CDHR2: variants seen among roughly 807,000 people sequenced by gnomAD.
The protein encoded by CDHR2 is cadherin related family member 2, also known as cadherin-related family member 2.
CDHR2 carries 104 observed loss-of-function variants against 138.6 expected under a neutral mutation model. That is an observed-to-expected ratio of 0.75 (90% CI 0.64 to 0.88). CDHR2 has a LOEUF of 0.88. Among genes scored for constraint, CDHR2 ranks in the 40% least tolerant of loss-of-function variants. The pLI, the probability that CDHR2 is intolerant of heterozygous loss-of-function variation, is 0.00. For missense variants in CDHR2, 1,624 were observed against 1,727.6 expected (o/e 0.94, Z 1.06); for synonymous variants, 755 against 742.8 (o/e 1.02, Z -0.27).
chr5:176,591,879 T>TGAC (rs752912432), intron 30 of CDHR2, among the ~76,000 whole-genome samples: 32 of 149,014 alleles, frequency 2.1e-4, no homozygotes, highest in African/African-American at 8.3e-4. Context: ...GTTGTGATGG[T>TGAC]GATGGTGGTG....
At chr5:176,550,788 C>A (rs1197545724) in intron 1 of CDHR2, among the ~76,000 whole-genome samples, 5 of 152,156 alleles carry the variant, frequency 3.3e-5, no homozygotes, top group African/African-American at 1.2e-4. Flanking sequence ...CCTGGAGGTC[C>A]TGGGCAGTCC....
intron 21 of CDHR2, 28 bp from the exon 22 acceptor site, chr5:176,589,003 C>G: frequency 6.2e-7 from 1 of 1,611,488 alleles, no homozygotes; most frequent in Non-Finnish European, 8.5e-7. Flanking sequence ...TGGCTGGGCC[C>G]CCAGATATTG....
intron 1 of CDHR2, among the ~76,000 whole-genome samples, chr5:176,555,548 C>T (rs781717130): frequency 6.6e-6 from 1 of 152,194 alleles, no homozygotes; most frequent in African/African-American, 2.4e-5. Flanking sequence ...TTCAGCCCGG[C>T]GACACACAGC....
rs1305791735 is a variant in CDHR2 at position 176,577,458 on chromosome 5, CT to C, written c.1255del (p.Ser419ProfsTer15). On this transcript the variant is annotated frameshift_variant, in exon 13 of 32. Coordinates refer to ENST00000261944, the MANE Select transcript of CDHR2 (RefSeq NM_017675.6). LOFTEE classifies it high-confidence loss of function. ...GGPDAEAFSVSPERAVGSASV... is the reference protein window; with the variant it reads ...GGPDAEAFSVXPERAVGSASV... ...GCCCCGATGCAGAAGCCTTCAGCGTCTCCCCGGAGCGGGCAGTGGGCTCAGC... is the reference window on the plus strand; with the variant it reads ...GCCCCGATGCAGAAGCCTTCAGCGTCCCCCGGAGCGGGCAGTGGGCTCAGC... 6.2e-7 allele frequency: 1 copy of C among 1,610,236 alleles called. No homozygotes were observed. The highest frequency in any genetic ancestry group is 1.7e-5 in the Admixed American group (1 of 59,286).
chr5:176,552,804 G>A (rs1234429439), intron 1 of CDHR2, among the ~76,000 whole-genome samples: 1 of 152,222 alleles, frequency 6.6e-6, no homozygotes, highest in African/African-American at 2.4e-5. Flanking sequence ...AGGCAGACAG[G>A]GTGGCACCCC....
intron 16 of CDHR2, among the ~76,000 whole-genome samples, chr5:176,580,551 A>C (rs1361583017): frequency 2.6e-5 from 4 of 151,544 alleles, no homozygotes; most frequent in African/African-American, 9.7e-5. Flanking sequence ...AAAGAAAGAA[A>C]GAAAGAAAAA....
intron 1 of CDHR2, chr5:176,556,679 C>G (rs1300756689): frequency 1.3e-5 from 2 of 152,456 alleles, no homozygotes; most frequent in African/African-American, 2.4e-5. Flanking sequence ...AACAAACAAA[C>G]AAACAAACAA....
intron 1 of CDHR2, among the ~76,000 whole-genome samples, chr5:176,552,737 C>T (rs940912432): frequency 1.3e-5 from 2 of 152,222 alleles, no homozygotes; most frequent in Non-Finnish European, 1.5e-5. Context: ...GGGCCAACCC[C>T]AGCAGAGCAG....
Position 176,584,996 on chromosome 5 carries a change from C to A in CDHR2, c.2715C>A (p.Phe905Leu), listed in dbSNP as rs1336386021. 1.3e-5 allele frequency: 20 copies of A among 1,546,672 alleles called. No homozygotes were observed. Among genetic ancestry groups the A allele is most frequent in the Non-Finnish European group, 1.6e-5 (18 of 1,142,368 alleles). ...RACDLATDPG[F>L]QAYSNNGSLL... ...GTGACCTAGCCACGGACCCCGGCTT[C>A]CAGGCCTACAGCAACAATGGTAAGG... The change falls in exon 19 of 32, where the codon TTC becomes TTA. Residue 905 changes from phenylalanine to leucine, a missense_variant. Transcript: ENST00000261944.
chr5:176,565,301 C>G (rs1327023216), intron 1 of CDHR2, 37 bp from the exon 2 acceptor site: 4 of 1,507,884 alleles, frequency 2.7e-6, no homozygotes, highest in Non-Finnish European at 3.7e-6. Flanking sequence ...GGAGGGAGGC[C>G]TGAGTCCAGG....
At chr5:176,577,103 G>A (rs1758401154) in intron 12 of CDHR2, among the ~76,000 whole-genome samples, 1 of 151,572 alleles carries the variant, frequency 6.6e-6, no homozygotes, top group Non-Finnish European at 1.5e-5. Flanking sequence ...GGCTGGGGGT[G>A]GGGGATGTGA....
chr5:176,591,796 G>T, intron 30 of CDHR2: 1 of 321,108 alleles, frequency 3.1e-6, no homozygotes, highest in Non-Finnish European at 6.0e-6. Context: ...GGTGGTGTTG[G>T]TGTTGAGGTG....
Position 176,555,300 on chromosome 5 carries a change from C to T in CDHR2, c.-16+5886C>T, listed in dbSNP as rs530771825. Among the ~76,000 whole-genome samples, 15 of 152,290 alleles carry T rather than the reference C, an allele frequency of 9.8e-5. No individual in the cohort carries two copies. In the South Asian group the frequency reaches 2.5e-3, roughly 25 times the overall value. ...TCCTCTTGCTAGGGCCCTGGGGCCACGGGAGGCCTGCCTCCTTCTCCCTGC... is the reference window on the plus strand; with the variant it reads ...TCCTCTTGCTAGGGCCCTGGGGCCATGGGAGGCCTGCCTCCTTCTCCCTGC... On this transcript the variant is annotated intron_variant, in intron 1 of 31. Coordinates refer to ENST00000261944, the MANE Select transcript of CDHR2 (RefSeq NM_017675.6).
At chr5:176,579,189 C>A (rs1271960275) in intron 16 of CDHR2, among the ~76,000 whole-genome samples, 2 of 152,190 alleles carry the variant, frequency 1.3e-5, no homozygotes, top group Non-Finnish European at 2.9e-5. Flanking sequence ...GGAAGCTTCG[C>A]CCCTGAGGCA....
intron 22 of CDHR2, 25 bp from the exon 23 acceptor site, chr5:176,589,305 G>A (rs754560217): frequency 1.3e-6 from 2 of 1,558,752 alleles, no homozygotes; most frequent in Non-Finnish European, 1.7e-6. Flanking sequence ...TTCCAAGACT[G>A]ACCTGCGCCT....
At chr5:176,578,335 C>T in intron 15 of CDHR2, 30 bp from the exon 16 acceptor site, 1 of 1,592,862 alleles carries the variant, frequency 6.3e-7, no homozygotes, top group Non-Finnish European at 8.6e-7. Context: ...TCCTGTGTCT[C>T]TATTTGCTGA....
At chr5:176,569,352 C>T (rs1195890923) in intron 5 of CDHR2, among the ~76,000 whole-genome samples, 2 of 149,292 alleles carry the variant, frequency 1.3e-5, no homozygotes, top group Non-Finnish European at 3.0e-5. Context: ...GGCGCGATCT[C>T]GGCTCACTGC....
Position 176,584,174 on chromosome 5 carries a change from C to A in CDHR2, c.2059-16C>A, listed in dbSNP as rs1758591911. On this transcript the variant is annotated splice_polypyrimidine_tract_variant and intron_variant, in intron 17 of 31. Coordinates refer to ENST00000261944, the MANE Select transcript of CDHR2 (RefSeq NM_017675.6). ...GAGATTGGATCCCGGGGACTCAGAC[C>A]TGTCTCTGACTGCAGGACATCAATG... The A allele has an allele frequency of 6.2e-7, 1 of 1,612,238 alleles. No homozygotes were observed. The highest frequency in any genetic ancestry group is 2.2e-5 in the East Asian group (1 of 44,874).
intron 10 of CDHR2, 32 bp downstream of exon 10, chr5:176,575,613 G>C (rs1054352350): frequency 6.2e-7 from 1 of 1,611,072 alleles, no homozygotes; most frequent in Non-Finnish European, 8.5e-7. Context: ...GCCAGGGCTG[G>C]GCCGGGGCCA....
Sources: allele counts gnomAD v4.1 joint callset (sites outside exome capture counted in the v4.1 genomes callset), GRCh38; gene constraint gnomAD v4.1.1; transcripts MANE v1.5; gene names NCBI Gene and HGNC (gene_info 2026-07-23, HGNC 2026-07-21).